ADGRL2: variants seen among roughly 807,000 people sequenced by gnomAD.
ADGRL2 encodes the protein calcium-independent alpha-latrotoxin receptor 2.
In ADGRL2, 44 loss-of-function variants were observed where a neutral mutation model predicts 157.4. The ratio of observed to expected loss-of-function variants is 0.28; its 90% CI spans 0.22 to 0.36. The LOEUF is 0.36. ADGRL2 is among the 10% of genes least tolerant of loss of function. The probability of loss-of-function intolerance (pLI) is 1.00; values close to 1 mark genes in which losing one functional copy is unlikely to be tolerated. For missense variants in ADGRL2, 1,510 were observed against 1,768.9 expected, an observed-to-expected ratio of 0.85 and a Z score of 2.63; for synonymous variants, 585 against 624.7, an observed-to-expected ratio of 0.94 and a Z score of 0.95.
chr1:81,914,425 T>C (rs1372615871), intron 3 of ADGRL2, among the ~76,000 whole-genome samples: 1 of 152,172 alleles, frequency 6.6e-6, no homozygotes, highest in Non-Finnish European at 1.5e-5. Context: ...TATTCCTGAA[T>C]TATTATGAAT....
intron 3 of ADGRL2, among the ~76,000 whole-genome samples, chr1:81,635,033 A>G (rs908290108): frequency 3.9e-5 from 6 of 152,196 alleles, no homozygotes; most frequent in Admixed American, 3.9e-4. Flanking sequence ...CCCAAGAATT[A>G]TACTCAACCA....
Position 81,492,283 on chromosome 1 carries a change from A to G in ADGRL2, c.-248+47194A>G, listed in dbSNP as rs151271122. Among the ~76,000 whole-genome samples, 1,102 of 152,350 alleles carry G rather than the reference A, an allele frequency of 7.2e-3. 7 individuals carry two copies. Among genetic ancestry groups the G allele is most frequent in the Non-Finnish European group, 0.012 (801 of 68,034 alleles). On this transcript the variant is annotated intron_variant, in intron 2 of 24. Transcript: ENST00000370721. ...AAAAGAAGAAGAAAAGCAAAGGGTA[A>G]ATCTTGAACACACAAAAGAGAAGGT...
At chr1:81,913,425 A>T (rs567188167) in intron 3 of ADGRL2, among the ~76,000 whole-genome samples, 1 of 152,200 alleles carries the variant, frequency 6.6e-6, no homozygotes, top group East Asian at 1.9e-4. Flanking sequence ...GTAAGACTAC[A>T]TGGAAAGGAC....
chr1:81,670,014 G>A (rs1462332053), intron 3 of ADGRL2, among the ~76,000 whole-genome samples: 1 of 151,996 alleles, frequency 6.6e-6, no homozygotes, highest in African/African-American at 2.4e-5. Flanking sequence ...GAGACCTGGG[G>A]GAAGGATAGA....
intron 2 of ADGRL2, among the ~76,000 whole-genome samples, chr1:81,525,769 G>A (rs1053775800): frequency 3.9e-5 from 6 of 152,126 alleles, no homozygotes; most frequent in Non-Finnish European, 5.9e-5. Flanking sequence ...TATATTGGTG[G>A]GGGGCAAAGG....
chr1:81,818,996 G>T (rs376340672), intron 1 of ADGRL2, among the ~76,000 whole-genome samples: 2 of 152,110 alleles, frequency 1.3e-5, no homozygotes, highest in African/African-American at 4.8e-5. Context: ...GATGAAACGG[G>T]TGTGTTAGTT....
chr1:81,850,433 A>G lies in ADGRL2; in HGVS notation c.73+13376A>G, dbSNP rs548527106. ...TATTTCCTTTAAGCTAGTCAATTCT[A>G]TGACCTGTTTTTCACTAAGTGAAAC... On this transcript the variant is annotated intron_variant, in intron 2 of 23. Coordinates refer to ENST00000686636, the MANE Select transcript of ADGRL2 (RefSeq NM_001366006.2). Among the ~76,000 whole-genome samples the G allele has an allele frequency of 3.9e-5, 6 of 152,004 alleles. No individual in the cohort carries two copies. In the South Asian group the frequency reaches 1.2e-3, roughly 31 times the overall value.
intron 2 of ADGRL2, among the ~76,000 whole-genome samples, chr1:81,568,729 T>C (rs1224620837): frequency 6.6e-6 from 1 of 152,180 alleles, no homozygotes; most frequent in Non-Finnish European, 1.5e-5. Flanking sequence ...ATTTATCTTT[T>C]ATTTTTACCA....
At chr1:81,913,049 A>G (rs1342266983) in intron 3 of ADGRL2, among the ~76,000 whole-genome samples, 1 of 152,156 alleles carries the variant, frequency 6.6e-6, no homozygotes, top group Non-Finnish European at 1.5e-5. Flanking sequence ...TATAAGCAAC[A>G]AAGCTGATTT....
chr1:81,962,102 C>T (rs1400460430), intron 11 of ADGRL2, among the ~76,000 whole-genome samples: 1 of 152,150 alleles, frequency 6.6e-6, no homozygotes, highest in Non-Finnish European at 1.5e-5. Flanking sequence ...TACCCACCTT[C>T]AGCTTTACTA....
intron 1 of ADGRL2, among the ~76,000 whole-genome samples, chr1:81,356,409 A>G (rs1008569985): frequency 6.6e-6 from 1 of 152,190 alleles, no homozygotes; most frequent in African/African-American, 2.4e-5. Context: ...TCTGATTACT[A>G]TATGACCTTG....
At chr1:81,524,222 C>T (rs1269702640) in intron 2 of ADGRL2, among the ~76,000 whole-genome samples, 3 of 151,388 alleles carry the variant, frequency 2.0e-5, no homozygotes, top group Admixed American at 6.6e-5. Flanking sequence ...AAAAATTAGC[C>T]GGATGTGGTG....
At position 81,377,953 on chromosome 1, in the gene ADGRL2, G is replaced by T. The variant is rs1384632438; in HGVS notation, c.-301-67083G>T. On this transcript the variant is annotated intron_variant, in intron 1 of 24. Transcript: ENST00000370721. ...CCCAACACTTTGGGAGGCTGAGGTG[G>T]GCAGATCACGAGGTCAAGAGATCGA... 7.9e-5 allele frequency among the ~76,000 whole-genome samples: 12 copies of T among 152,024 alleles called. 1 individual carries two copies. Among genetic ancestry groups the T allele is most frequent in the Non-Finnish European group, 1.3e-4 (9 of 67,986 alleles).
At chr1:81,619,677 T>C (rs2081745706) in intron 3 of ADGRL2, among the ~76,000 whole-genome samples, 1 of 152,182 alleles carries the variant, frequency 6.6e-6, no homozygotes, top group African/African-American at 2.4e-5. Flanking sequence ...AAAAAGATTA[T>C]TAATTTGTAT....
At chr1:81,840,903 C>T (rs980799765) in intron 2 of ADGRL2, among the ~76,000 whole-genome samples, 1 of 151,992 alleles carries the variant, frequency 6.6e-6, no homozygotes, top group East Asian at 1.9e-4. Context: ...TGCTTTGATT[C>T]TTTTGGCCAG....
intron 1 of ADGRL2, chr1:81,722,419 T>G (rs1570960909): frequency 1.5e-5 from 15 of 988,646 alleles, no homozygotes; most frequent in Non-Finnish European, 2.2e-5. Flanking sequence ...CAAATGCCAT[T>G]AAGCTGAATT....
Position 81,461,264 on chromosome 1 carries a change from T to C in ADGRL2, c.-248+16175T>C, listed in dbSNP as rs2077921501. Among the ~76,000 whole-genome samples, 4 of 152,008 alleles carry C rather than the reference T, an allele frequency of 2.6e-5. No homozygotes were observed. The South Asian group carries it at 8.3e-4, about 32-fold the overall frequency. On this transcript the variant is annotated intron_variant, in intron 2 of 24. Coordinates refer to the ADGRL2 transcript ENST00000370721. ...TACCCACTGAGCAGTAAAAGCTTTCTTTTTTTCTTTTCTTTTCTTTTTTTT... is the reference window on the plus strand; with the variant it reads ...TACCCACTGAGCAGTAAAAGCTTTCCTTTTTTCTTTTCTTTTCTTTTTTTT...
chr1:81,563,704 A>G (rs867550238), intron 2 of ADGRL2, among the ~76,000 whole-genome samples: 2 of 152,170 alleles, frequency 1.3e-5, no homozygotes, highest in Admixed American at 6.5e-5. Context: ...CATTTCTTCT[A>G]TTTCTCATAT....
chr1:81,833,326 C>T (rs1466658914), intron 1 of ADGRL2, among the ~76,000 whole-genome samples: 1 of 152,106 alleles, frequency 6.6e-6, no homozygotes, highest in Non-Finnish European at 1.5e-5. Flanking sequence ...TTCCTGTTCT[C>T]TTCATGTTAT....
Sources: gnomAD v4.1 joint callset for allele counts (sites outside exome capture counted in the v4.1 genomes callset) on GRCh38, gnomAD v4.1.1 for gene constraint, MANE v1.5 for transcripts, NCBI Gene and HGNC (gene_info 2026-07-23, HGNC 2026-07-21) for gene names.